Variants in ADK observed in about 807,000 individuals in gnomAD.
The protein encoded by ADK is N6,N6-dimethyladenosine kinase.
In ADK, 24 loss-of-function variants were observed where a neutral mutation model predicts 44.7. That is an observed-to-expected ratio of 0.54 (90% CI 0.39 to 0.76). The LOEUF (loss-of-function observed/expected upper bound fraction) is 0.76, where lower values mean the gene tolerates loss of function less well. Among genes scored for constraint, ADK ranks in the 30% least tolerant of loss-of-function variants. The probability of loss-of-function intolerance (pLI) is 0.00; values close to 1 mark genes in which losing one functional copy is unlikely to be tolerated. For synonymous variants in ADK, 128 were observed against 142.6 expected, an observed-to-expected ratio of 0.90 and a Z score of 0.73; for missense variants, 321 against 425.1, an observed-to-expected ratio of 0.76 and a Z score of 2.15.
chr10:74,445,388 AATT>A (rs1845558450), intron 6 of ADK, among the ~76,000 whole-genome samples: 1 of 151,984 alleles, frequency 6.6e-6, no homozygotes, highest in Middle Eastern at 3.2e-3. Flanking sequence ...ACTAAGTGGC[AATT>A]ATTATATCAT....
intron 9 of ADK, among the ~76,000 whole-genome samples, chr10:74,658,918 A>G (rs1486841908): frequency 3.3e-5 from 5 of 152,238 alleles, no homozygotes; most frequent in African/African-American, 1.2e-4. Flanking sequence ...GTGCATATAT[A>G]TATGTGTATA....
chr10:74,585,617 T>C (rs1302216658), intron 7 of ADK, among the ~76,000 whole-genome samples: 1 of 152,212 alleles, frequency 6.6e-6, no homozygotes, highest in African/African-American at 2.4e-5. Flanking sequence ...TTTATTTCCT[T>C]AATCCCTCCT....
chr10:74,627,657 G>A (rs766696653), intron 9 of ADK, among the ~76,000 whole-genome samples: 2 of 151,448 alleles, frequency 1.3e-5, no homozygotes, highest in Non-Finnish European at 2.9e-5. Flanking sequence ...CTGAGACGGA[G>A]TCTCGCTCTG....
intron 9 of ADK, among the ~76,000 whole-genome samples, chr10:74,639,418 A>G (rs1320954527): frequency 6.6e-6 from 1 of 152,210 alleles, no homozygotes; most frequent in Non-Finnish European, 1.5e-5. Context: ...ACTTGAAACT[A>G]TATATATTAT....
At chr10:74,645,268 T>C (rs1421526121) in intron 9 of ADK, among the ~76,000 whole-genome samples, 9 of 152,194 alleles carry the variant, frequency 5.9e-5, no homozygotes, top group African/African-American at 1.4e-4. Context: ...TACTTCTCTG[T>C]TCAGTATATT....
intron 4 of ADK, among the ~76,000 whole-genome samples, chr10:74,342,916 T>A (rs1173688623): frequency 6.6e-6 from 1 of 152,142 alleles, no homozygotes; most frequent in East Asian, 1.9e-4. Context: ...AACCATGTCA[T>A]CTGTGACTAT....
chr10:74,472,910 A>G (rs1006211294), intron 6 of ADK, among the ~76,000 whole-genome samples: 1 of 152,120 alleles, frequency 6.6e-6, no homozygotes, highest in Non-Finnish European at 1.5e-5. Context: ...AGCCAATACT[A>G]ATGGGTATTT....
intron 4 of ADK, among the ~76,000 whole-genome samples, chr10:74,334,906 G>A (rs771615622): frequency 6.6e-6 from 1 of 152,138 alleles, no homozygotes; most frequent in African/African-American, 2.4e-5. Flanking sequence ...GCCTCTTTAT[G>A]TGGGGCTTTT....
intron 3 of ADK, among the ~76,000 whole-genome samples, chr10:74,302,138 T>G (rs1317009636): frequency 1.6e-4 from 14 of 87,900 alleles, no homozygotes; most frequent in South Asian, 4.0e-4. Context: ...TTTTTTTTTT[T>G]TTTTTTTTGA....
At chr10:74,469,883 T>G (rs1466233679) in intron 6 of ADK, among the ~76,000 whole-genome samples, 3 of 152,148 alleles carry the variant, frequency 2.0e-5, no homozygotes, top group African/African-American at 7.2e-5. Context: ...GATCATGGTT[T>G]ATGGCTGGCT....
chr10:74,631,899 T>C (rs1853437674), intron 9 of ADK, among the ~76,000 whole-genome samples: 1 of 152,210 alleles, frequency 6.6e-6, no homozygotes, highest in African/African-American at 2.4e-5. Context: ...ACCTACCTCT[T>C]GTAGGTAACC....
At chr10:74,567,844 G>A (rs554807019) in intron 7 of ADK, among the ~76,000 whole-genome samples, 1 of 151,600 alleles carries the variant, frequency 6.6e-6, no homozygotes, top group Non-Finnish European at 1.5e-5. Flanking sequence ...GACTACAGGC[G>A]CCTGCCACCA....
intron 3 of ADK, among the ~76,000 whole-genome samples, chr10:74,291,967 A>C (rs188143826): frequency 6.6e-6 from 1 of 152,316 alleles, no homozygotes; most frequent in Admixed American, 6.5e-5. Flanking sequence ...CAGATTTTAA[A>C]TCCAAGATGT....
intron 6 of ADK, among the ~76,000 whole-genome samples, chr10:74,439,008 G>A (rs958977439): frequency 5.5e-4 from 84 of 152,198 alleles, no homozygotes; most frequent in African/African-American, 2.0e-3. Context: ...AGAGTTTGTA[G>A]TCAGCGTTTT....
chr10:74,293,373 TCTAAG>T (rs1839697503), intron 3 of ADK, among the ~76,000 whole-genome samples: 1 of 152,276 alleles, frequency 6.6e-6, no homozygotes, highest in Middle Eastern at 3.4e-3. Context: ...TGGGGTTTAT[TCTAAG>T]CTGAGTTGTT....
At chr10:74,193,244 C>CT (rs929609279) in intron 1 of ADK, among the ~76,000 whole-genome samples, 12 of 150,442 alleles carry the variant, frequency 8.0e-5, no homozygotes, top group African/African-American at 1.5e-4. Context: ...TTAGTGTTTT[C>CT]TTTTTTTTTC....
intron 3 of ADK, among the ~76,000 whole-genome samples, chr10:74,306,385 T>C (rs906785624): frequency 2.0e-5 from 3 of 152,164 alleles, no homozygotes; most frequent in Non-Finnish European, 4.4e-5. Flanking sequence ...TCCCTGGAGC[T>C]CTCCGCCTTG....
At chr10:74,682,664 C>T (rs1855656189) in intron 10 of ADK, among the ~76,000 whole-genome samples, 1 of 151,224 alleles carries the variant, frequency 6.6e-6, no homozygotes, top group Non-Finnish European at 1.5e-5. Flanking sequence ...ACCTCTGCCT[C>T]CCAGGTTTGA....
chr10:74,249,554 G>C (rs1451464429), intron 3 of ADK, among the ~76,000 whole-genome samples: 1 of 151,622 alleles, frequency 6.6e-6, no homozygotes, highest in East Asian at 1.9e-4. Context: ...ATATATTTAA[G>C]GCCTGACATA....
Sources: allele counts gnomAD v4.1 joint callset (sites outside exome capture counted in the v4.1 genomes callset), GRCh38; gene constraint gnomAD v4.1.1; transcripts MANE v1.5; gene names NCBI Gene and HGNC (gene_info 2026-07-23, HGNC 2026-07-21).